The following TMCC1 variants were observed in gnomAD, a reference collection of about 807,000 sequenced individuals.
The protein encoded by TMCC1 is transmembrane and coiled-coil domain family 1.
A neutral mutation model predicts 52.4 loss-of-function variants in TMCC1; 15 were observed. The observed-to-expected ratio is 0.29, with a 90% confidence interval of 0.19 to 0.44. The LOEUF is 0.44. Among genes scored for constraint, TMCC1 ranks in the 20% least tolerant of loss-of-function variants. The pLI is 1.00. For synonymous variants in TMCC1, 279 were observed against 301.9 expected, an observed-to-expected ratio of 0.92 and a Z score of 0.79; for missense variants, 503 against 806.0, an observed-to-expected ratio of 0.62 and a Z score of 4.55.
intron 4 of TMCC1, among the ~76,000 whole-genome samples, chr3:129,701,962 T>C (rs942573531): frequency 1.4e-4 from 21 of 152,262 alleles, no homozygotes; most frequent in African/African-American, 3.4e-4. Flanking sequence ...ATTCTTGTTT[T>C]TTAAAAAATA....
At chr3:129,733,239 G>A (rs934271852) in intron 4 of TMCC1, among the ~76,000 whole-genome samples, 20 of 152,116 alleles carry the variant, frequency 1.3e-4, no homozygotes, top group African/African-American at 4.8e-4. Flanking sequence ...TAGATAACTG[G>A]AGTACAATCC....
At chr3:129,858,950 A>G (rs2060261391) in intron 2 of TMCC1, among the ~76,000 whole-genome samples, 1 of 152,214 alleles carries the variant, frequency 6.6e-6, no homozygotes, top group South Asian at 2.1e-4. Flanking sequence ...ATTACCTTAG[A>G]TTATCTACAA....
At chr3:129,762,707 G>A (rs1198018224) in intron 4 of TMCC1, among the ~76,000 whole-genome samples, 1 of 152,112 alleles carries the variant, frequency 6.6e-6, no homozygotes, top group Non-Finnish European at 1.5e-5. Flanking sequence ...TCTTGAGTCT[G>A]GGAGTTAGAG....
chr3:129,884,263 A>G (rs1009267742), intron 1 of TMCC1, among the ~76,000 whole-genome samples: 4 of 152,190 alleles, frequency 2.6e-5, no homozygotes, highest in African/African-American at 9.6e-5. Context: ...ATACACGCAT[A>G]CTGGACAAAG....
chr3:129,778,418 T>A (rs181053991), intron 4 of TMCC1, among the ~76,000 whole-genome samples: 8 of 152,348 alleles, frequency 5.3e-5, no homozygotes, highest in Admixed American at 3.9e-4. Flanking sequence ...CTTTGTTCCA[T>A]CACTGATGAA....
chr3:129,846,094 CA>C lies in TMCC1; in HGVS notation c.-183-13269del, dbSNP rs879751688. 1.9e-4 allele frequency among the ~76,000 whole-genome samples: 27 copies of C among 143,416 alleles called. No homozygotes were observed. In the East Asian group the frequency reaches 2.4e-3, roughly 13 times the overall value. The allele number at this position is 143,416 out of a possible 152,430, so 94.1% of individuals were successfully genotyped here. On this transcript the variant is annotated intron_variant, in intron 2 of 6. Coordinates refer to ENST00000393238, the MANE Select transcript of TMCC1 (RefSeq NM_001017395.5). The stretch of plus-strand genomic sequence containing the variant: ...AAACATCATGTGACATATGTGGGGG[CA>C]AAAAAAAAAGGTCAGTGTCTCACAA...
chr3:129,667,027 C>A (rs1261643855), intron 5 of TMCC1, among the ~76,000 whole-genome samples: 2 of 151,426 alleles, frequency 1.3e-5, no homozygotes, highest in African/African-American at 4.8e-5. Context: ...TCAGCCTCCC[C>A]CGTAACTGGG....
chr3:129,700,661 GAGAT>G (rs934339363), intron 4 of TMCC1, among the ~76,000 whole-genome samples: 2 of 151,822 alleles, frequency 1.3e-5, no homozygotes, highest in African/African-American at 4.8e-5. Flanking sequence ...ACTTTTAGTA[GAGAT>G]GGGGTTTCAT....
intron 1 of TMCC1, among the ~76,000 whole-genome samples, chr3:129,882,153 T>C (rs563809897): frequency 2.4e-4 from 36 of 152,268 alleles, no homozygotes; most frequent in Admixed American, 2.2e-3. Flanking sequence ...TCATCCAGAA[T>C]ATACAGAGAA....
At chr3:129,722,049 T>A (rs530300893) in intron 4 of TMCC1, among the ~76,000 whole-genome samples, 30 of 152,302 alleles carry the variant, frequency 2.0e-4, no homozygotes, top group African/African-American at 7.2e-4. Context: ...TGAGAATATT[T>A]TAGTTTACCA....
At chr3:129,876,888 C>T (rs1336519177) in intron 2 of TMCC1, among the ~76,000 whole-genome samples, 6 of 151,996 alleles carry the variant, frequency 3.9e-5, no homozygotes, top group South Asian at 4.2e-4. Context: ...AACTGGGAGG[C>T]GGAGCTTGCA....
chr3:129,862,687 T>C (rs2060449145), intron 2 of TMCC1, among the ~76,000 whole-genome samples: 1 of 152,058 alleles, frequency 6.6e-6, no homozygotes, highest in African/African-American at 2.4e-5. Flanking sequence ...GAAGGAAAAA[T>C]AGAATTCAAA....
chr3:129,821,218 GTGTAGA>G (rs758867246), intron 4 of TMCC1, among the ~76,000 whole-genome samples: 2 of 152,186 alleles, frequency 1.3e-5, no homozygotes, highest in Admixed American at 6.5e-5. Context: ...TGCTGTAGAT[GTGTAGA>G]TGTAGATGTA....
chr3:129,742,211 CA>C (rs933431575), intron 4 of TMCC1, among the ~76,000 whole-genome samples: 10 of 150,086 alleles, frequency 6.7e-5, no homozygotes, highest in African/African-American at 2.4e-4. Flanking sequence ...ACATAAACAA[CA>C]AAAGAAAAAA....
At chr3:129,722,007 C>A (rs1045587916) in intron 4 of TMCC1, among the ~76,000 whole-genome samples, 6 of 152,172 alleles carry the variant, frequency 3.9e-5, no homozygotes, top group African/African-American at 1.4e-4. Context: ...GGGCAAGTAC[C>A]TCATTTGTGA....
At chr3:129,883,867 A>G (rs1272184090) in intron 1 of TMCC1, among the ~76,000 whole-genome samples, 1 of 151,708 alleles carries the variant, frequency 6.6e-6, no homozygotes, top group Non-Finnish European at 1.5e-5. Context: ...GAAATAAAAA[A>G]ATTAAATTAA....
intron 4 of TMCC1, among the ~76,000 whole-genome samples, chr3:129,810,273 A>G (rs1285573061): frequency 6.6e-6 from 1 of 152,060 alleles, no homozygotes; most frequent in Non-Finnish European, 1.5e-5. Context: ...TGGGAGAATC[A>G]CTTAAACCCA....
intron 4 of TMCC1, among the ~76,000 whole-genome samples, chr3:129,792,541 A>G (rs1319561868): frequency 1.3e-5 from 2 of 152,044 alleles, no homozygotes; most frequent in Non-Finnish European, 2.9e-5. Flanking sequence ...AGTAGAGATG[A>G]GGTTTCACTA....
chr3:129,684,991 T>C (rs1203585850), intron 4 of TMCC1, among the ~76,000 whole-genome samples: 1 of 152,132 alleles, frequency 6.6e-6, no homozygotes, highest in Non-Finnish European at 1.5e-5. Context: ...AACATGGAAA[T>C]GATCAACTGA....
Sources: allele counts gnomAD v4.1 joint callset (sites outside exome capture counted in the v4.1 genomes callset), GRCh38; gene constraint gnomAD v4.1.1; transcripts MANE v1.5; gene names NCBI Gene and HGNC (gene_info 2026-07-23, HGNC 2026-07-21).